CIT: variants seen among roughly 807,000 people sequenced by gnomAD.
The protein encoded by CIT is citron rho-interacting serine/threonine kinase.
A neutral mutation model predicts 272.7 loss-of-function variants in CIT; 79 were observed. The ratio of observed to expected loss-of-function variants is 0.29; its 90% CI spans 0.24 to 0.35. CIT has a LOEUF of 0.35. Among genes scored for constraint, CIT ranks in the 10% least tolerant of loss-of-function variants. The probability of loss-of-function intolerance (pLI) is 1.00; values close to 1 mark genes in which losing one functional copy is unlikely to be tolerated. For missense variants in CIT, 1,909 were observed against 2,618.3 expected (o/e 0.73, Z 5.91); for synonymous variants, 948 against 995.6 (o/e 0.95, Z 0.90).
At chr12:119,732,066 C>T (rs1325891027) in intron 26 of CIT, among the ~76,000 whole-genome samples, 1 of 151,996 alleles carries the variant, frequency 6.6e-6, no homozygotes, top group East Asian at 1.9e-4. Flanking sequence ...AAACTCCTGA[C>T]CTCAAGTGAT....
At chr12:119,815,083 C>T (rs1967032503) in intron 9 of CIT, among the ~76,000 whole-genome samples, 2 of 117,352 alleles carry the variant, frequency 1.7e-5, no homozygotes. Context: ...TGCGTGCTCA[C>T]ATACCACACA....
At chr12:119,820,930 A>G (rs1296198470) in intron 9 of CIT, among the ~76,000 whole-genome samples, 1 of 152,180 alleles carries the variant, frequency 6.6e-6, no homozygotes, top group Non-Finnish European at 1.5e-5. Flanking sequence ...TGATCACACC[A>G]CTGCATTCCT....
chr12:119,724,550 G>C (rs1050721272), intron 28 of CIT, among the ~76,000 whole-genome samples: 1 of 152,172 alleles, frequency 6.6e-6, no homozygotes, highest in Non-Finnish European at 1.5e-5. Flanking sequence ...CGTTGGGGAA[G>C]GGATCTTCTA....
chr12:119,689,668 T>C (rs1025416651), intron 47 of CIT, among the ~76,000 whole-genome samples: 1 of 111,698 alleles, frequency 9.0e-6, no homozygotes, highest in East Asian at 2.3e-4. Flanking sequence ...AGGAAGCTCT[T>C]TTTTTTTTTT....
At chr12:119,832,915 C>T (rs1968746002) in intron 6 of CIT, 51 bp from the exon 7 acceptor site, 1 of 1,356,334 alleles carries the variant, frequency 7.4e-7, no homozygotes, top group Non-Finnish European at 1.1e-6. Context: ...AATCAGCAAG[C>T]AAGTGCTAAC....
chr12:119,716,018 G>C (rs148688213), intron 32 of CIT, among the ~76,000 whole-genome samples: 34 of 152,256 alleles, frequency 2.2e-4, no homozygotes, highest in African/African-American at 7.2e-4. Flanking sequence ...GGACATTTCA[G>C]TGGACACCAC....
In CIT at chr12:119,694,991, C is replaced by T. The variant is rs1043946867; in HGVS notation, c.5882+2668G>A. On this transcript the variant is annotated intron_variant, in intron 46 of 47. Transcript: ENST00000392521. The surrounding 1 kb of genome is among the most constrained non-coding windows in gnomAD (Gnocchi z 4.5). The stretch of plus-strand genomic sequence containing the variant: ...CCCTAGCCCTTTGCGCGGCCACTCT[C>T]GAGGCAGGGTCAAACCAAAAGAGTC... 8.5e-5 allele frequency among the ~76,000 whole-genome samples: 13 copies of T among 152,082 alleles called. No individual in the cohort carries two copies. Among genetic ancestry groups the T allele is most frequent in the Non-Finnish European group, 1.0e-4 (7 of 68,030 alleles).
chr12:119,795,136 C>A (rs2137808486), intron 10 of CIT, among the ~76,000 whole-genome samples: 1 of 152,256 alleles, frequency 6.6e-6, no homozygotes, highest in South Asian at 2.1e-4. Context: ...AATCACAACA[C>A]TTTGGGAGGC....
chr12:119,831,418 C>T (rs962543347), intron 7 of CIT, among the ~76,000 whole-genome samples: 4 of 152,130 alleles, frequency 2.6e-5, no homozygotes, highest in African/African-American at 4.8e-5. Context: ...ACATAGGGAA[C>T]TTATTTTTCC....
At chr12:119,861,123 GAAA>G (rs751799519) in intron 3 of CIT, among the ~76,000 whole-genome samples, 1 of 137,436 alleles carries the variant, frequency 7.3e-6, no homozygotes, top group Non-Finnish European at 1.6e-5. Flanking sequence ...TCTGTCTCAG[GAAA>G]AAAAAAAAAA....
intron 14 of CIT, 74 bp downstream of exon 14, chr12:119,776,598 A>G: frequency 7.0e-7 from 1 of 1,432,438 alleles, no homozygotes; most frequent in Non-Finnish European, 9.6e-7. Flanking sequence ...TCATTAAACT[A>G]GGTTCTCCTT....
In CIT at chr12:119,784,910, G is replaced by A; in HGVS notation, c.1401+50C>T. On this transcript the variant is annotated intron_variant, in intron 11 of 47. Coordinates refer to ENST00000392521, the MANE Select transcript of CIT (RefSeq NM_001206999.2). The surrounding 1 kb of genome is among the most constrained non-coding windows in gnomAD (Gnocchi z 4.7). Reference sequence around the variant, plus strand: ...CCGGGCGGATCCCTTGGCATATACGGACGGGAGGATCCTGGAGCAAGGAAG... The same window carrying A: ...CCGGGCGGATCCCTTGGCATATACGAACGGGAGGATCCTGGAGCAAGGAAG... 1 of 1,605,808 alleles carries A rather than the reference G, an allele frequency of 6.2e-7. No individual in the cohort carries two copies. Among genetic ancestry groups the A allele is most frequent in the Non-Finnish European group, 8.5e-7 (1 of 1,175,816 alleles).
At chr12:119,786,576 G>A (rs913419942) in intron 10 of CIT, among the ~76,000 whole-genome samples, 10 of 152,208 alleles carry the variant, frequency 6.6e-5, no homozygotes, top group African/African-American at 2.4e-4. Flanking sequence ...TGTTGCCCTG[G>A]TAACAGGGTT....
At chr12:119,855,834 T>G (rs1187951167) in intron 4 of CIT, among the ~76,000 whole-genome samples, 1 of 152,172 alleles carries the variant, frequency 6.6e-6, no homozygotes, top group African/African-American at 2.4e-5. Context: ...ATTTTCTTTT[T>G]ACACGCACTA....
chr12:119,848,047 T>C (rs978430154), intron 5 of CIT, among the ~76,000 whole-genome samples: 5 of 152,090 alleles, frequency 3.3e-5, no homozygotes, highest in Admixed American at 6.6e-5. Context: ...AGGTCATCTG[T>C]GAAGGTGAGG....
At chr12:119,849,679 CTTTTTTTTTCTTT>C (rs1970070116) in intron 5 of CIT, among the ~76,000 whole-genome samples, 1 of 67,658 alleles carries the variant, frequency 1.5e-5, no homozygotes. Flanking sequence ...GAGGCTGTTT[CTTTTTTTTTCTTT>C]TTTTTTTTTT....
intron 22 of CIT, among the ~76,000 whole-genome samples, chr12:119,752,696 G>A (rs1204797192): frequency 2.6e-5 from 4 of 152,190 alleles, no homozygotes; most frequent in Non-Finnish European, 4.4e-5. Flanking sequence ...TTTCTCTGAT[G>A]TGTCCTCATT....
At chr12:119,819,168 T>G (rs989493678) in intron 9 of CIT, among the ~76,000 whole-genome samples, 1 of 152,058 alleles carries the variant, frequency 6.6e-6, no homozygotes, top group African/African-American at 2.4e-5. Context: ...TAATAATAAA[T>G]AAGCAGCTGA....
chr12:119,752,020 C>G (rs918923958), intron 23 of CIT, 30 bp downstream of exon 23: 1 of 1,592,708 alleles, frequency 6.3e-7, no homozygotes. Context: ...AGGCCTTTAG[C>G]AACCTGAAGA....
Sources: gnomAD v4.1 joint callset for allele counts (sites outside exome capture counted in the v4.1 genomes callset) on GRCh38, gnomAD v4.1.1 for gene constraint, Gnocchi (gnomAD v3.1) non-coding constraint, MANE v1.5 for transcripts, NCBI Gene and HGNC (gene_info 2026-07-23, HGNC 2026-07-21) for gene names.